ZNF473: variants seen among roughly 807,000 people sequenced by gnomAD.
ZNF473 encodes the protein zinc finger protein 473.
Under a neutral mutation model 11.1 loss-of-function variants are expected in ZNF473, and 4 were observed. The observed-to-expected ratio is 0.36, with a 90% CI of 0.18 to 0.82. The LOEUF is 0.82. ZNF473 is among the 40% of genes least tolerant of loss of function. The pLI is 0.49. For synonymous variants in ZNF473, 404 were observed against 390.4 expected (o/e 1.03, Z -0.41); for missense variants, 854 against 1,084.0 (o/e 0.79, Z 2.98).
At chr19:50,035,576 G>T (rs1400176232) in intron 2 of ZNF473, among the ~76,000 whole-genome samples, 5 of 151,912 alleles carry the variant, frequency 3.3e-5, no homozygotes, top group African/African-American at 1.2e-4. Flanking sequence ...GACAGGAACT[G>T]GCTGCCCCCT....
chr19:50,031,052 C>T lies in ZNF473; in HGVS notation c.-31C>T, dbSNP rs1264826668. On this transcript the variant is annotated 5_prime_UTR_variant, in exon 2 of 5. Coordinates refer to ENST00000270617, the MANE Select transcript of ZNF473 (RefSeq NM_015428.4). ...GAACACGGAGGGGAAGGAGGAGGAG[C>T]TTAAAAGAGGCTACTGAACCCCAGT... The T allele has an allele frequency of 1.3e-6, 2 of 1,562,664 alleles. No homozygotes were observed. The highest frequency in any genetic ancestry group is 8.7e-7 in the Non-Finnish European group (1 of 1,153,052).
intron 2 of ZNF473, among the ~76,000 whole-genome samples, chr19:50,034,665 T>C (rs2077335843): frequency 6.6e-6 from 1 of 152,214 alleles, no homozygotes; most frequent in African/African-American, 2.4e-5. Context: ...CTCTTAATCT[T>C]TGGGTTCCTC....
chr19:50,042,691 T>C (rs1978842294), intron 4 of ZNF473: 1 of 152,254 alleles, frequency 6.6e-6, no homozygotes, highest in Non-Finnish European at 1.5e-5. Context: ...AGTTACCACA[T>C]AAGCGTCTTT....
rs1033782789 is a variant in ZNF473, at chr19:50,044,819, C to T, written c.376C>T (p.Leu126=). The change falls in exon 5 of 5, where the codon CTA becomes TTA. Residue 126 remains leucine (L), a synonymous_variant. Transcript: ENST00000270617. ...CIEDTWLDSL[L]GDPESLLRSD... ...AGAGGACACCTGGTTAGATAGTTTG[C>T]TAGGCGATCCAGAAAGTCTTCTGAG... 1.2e-6 allele frequency: 2 copies of T among 1,614,098 alleles called. No homozygotes were observed. The highest frequency in any genetic ancestry group is 2.7e-5 in the African/African-American group (2 of 74,918).
intron 4 of ZNF473, among the ~76,000 whole-genome samples, chr19:50,044,445 G>GGTAATGGTAGA (rs1187950475): frequency 6.6e-6 from 1 of 152,178 alleles, no homozygotes; most frequent in Admixed American, 6.5e-5. Flanking sequence ...TAGGTGTGAA[G>GGTAATGGTAGA]GTAATGGTAG....
chr19:50,035,452 C>CGTGTGTGTTT (rs1691178475), intron 2 of ZNF473, among the ~76,000 whole-genome samples: 1 of 138,394 alleles, frequency 7.2e-6, no homozygotes, highest in East Asian at 2.2e-4. Flanking sequence ...TTCTTTCATA[C>CGTGTGTGTTT]GTGTGTGTGT....
intron 4 of ZNF473, among the ~76,000 whole-genome samples, chr19:50,044,087 G>A (rs549095757): frequency 1.3e-5 from 2 of 152,236 alleles, no homozygotes; most frequent in South Asian, 2.1e-4. Flanking sequence ...AAGCCCTTTA[G>A]GGCTAGTGTG....
Position 50,048,480 on chromosome 19 carries a change from T to C in ZNF473, c.*1421T>C, listed in dbSNP as rs1979267612. The C allele has an allele frequency of 6.6e-6, 1 of 152,270 alleles. No homozygotes were observed. The highest frequency in any genetic ancestry group is 2.4e-5 in the African/African-American group (1 of 41,468). 9.4% of individuals were successfully genotyped at this position (152,270 alleles called of 1,614,324 possible). On this transcript the variant is annotated 3_prime_UTR_variant, in exon 5 of 5. Transcript: ENST00000270617. ...AAACTTAGTTGAAACTGGGAACCTG[T>C]TGGCTAACCATTGGGGCCTTACACT... is the stretch of plus-strand genomic sequence containing the variant.
chr19:50,044,620 C>T, intron 4 of ZNF473, 50 bp from the exon 5 acceptor site: 1 of 1,471,060 alleles, frequency 6.8e-7, no homozygotes, highest in Non-Finnish European at 9.3e-7. Flanking sequence ...TTGCTCTTGT[C>T]TGTGTTCTCA....
chr19:50,044,104 TAGAG>T (rs1026416067), intron 4 of ZNF473, among the ~76,000 whole-genome samples: 21 of 150,844 alleles, frequency 1.4e-4, no homozygotes, highest in African/African-American at 4.6e-4. Context: ...TGTGGAAGAC[TAGAG>T]AGAGAGAGAG....
chr19:50,047,230 T>A lies in ZNF473; in HGVS notation c.*171T>A. ...TGAAAACACAAAAGTGGAGAAGCTG[T>A]ACAACGTCAGGATTCAGAGGTAGGC... On this transcript the variant is annotated 3_prime_UTR_variant, in exon 5 of 5. Transcript: ENST00000270617. The A allele has an allele frequency of 1.5e-6, 1 of 648,128 alleles. No individual in the cohort carries two copies. The highest frequency in any genetic ancestry group is 2.6e-6 in the Non-Finnish European group (1 of 387,584). 40.1% of individuals were successfully genotyped at this position (648,128 alleles called of 1,614,324 possible).
intron 1 of ZNF473, among the ~76,000 whole-genome samples, chr19:50,028,215 A>G (rs1014342711): frequency 3.3e-5 from 5 of 150,908 alleles, no homozygotes; most frequent in Non-Finnish European, 7.4e-5. Context: ...GGAGAATGGC[A>G]TGAGCCCGGG....
rs985048719 is a variant in ZNF473 at position 50,047,917 on chromosome 19, A to G, written c.*858A>G. 2 of 152,232 alleles carry G rather than the reference A, an allele frequency of 1.3e-5. No homozygotes were observed. Among genetic ancestry groups the G allele is most frequent in the African/African-American group, 4.8e-5 (2 of 41,462 alleles). 9.4% of individuals were successfully genotyped at this position (152,232 alleles called of 1,614,324 possible). A position where few individuals can be genotyped will look rare whatever the true frequency, so the allele number is the denominator to read the frequency against. On this transcript the variant is annotated 3_prime_UTR_variant, in exon 5 of 5. Transcript: ENST00000270617. ...CTGCATTGATCAGGGTGTTAACCGC[A>G]TATGAAACAACCCATATGGAAGACA...
chr19:50,044,643 A>G lies in ZNF473; in HGVS notation c.227-27A>G, dbSNP rs548981159. ...GTCTGTGTTCTCACCCTTAGTGAAC[A>G]GGAGACATTTGCACTTGCTCTTTCA... On this transcript the variant is annotated intron_variant, in intron 4 of 4. Coordinates refer to ENST00000270617, the MANE Select transcript of ZNF473 (RefSeq NM_015428.4). 2.1e-5 allele frequency: 32 copies of G among 1,558,476 alleles called. No homozygotes were observed. The South Asian group carries it at 2.7e-4, about 13-fold the overall frequency.
intron 3 of ZNF473, 83 bp from the exon 4 acceptor site, chr19:50,041,647 C>T (rs1978774938): frequency 8.1e-7 from 1 of 1,237,480 alleles, no homozygotes; most frequent in Admixed American, 2.3e-5. Context: ...ATAGAAAAGT[C>T]AGGAGAGCCA....
chr19:50,038,630 C>T (rs188786367), intron 2 of ZNF473, among the ~76,000 whole-genome samples: 216 of 152,162 alleles, frequency 1.4e-3, no homozygotes, highest in Admixed American at 9.2e-3. Flanking sequence ...GGGTATGGGC[C>T]CCCTGGATTC....
chr19:50,030,983 C>G lies in ZNF473; in HGVS notation c.-100C>G. On this transcript the variant is annotated 5_prime_UTR_variant, in exon 2 of 5. Transcript: ENST00000270617. ...GAGTCAGCCATGGGTGGAAGGGAGG[C>G]TTTCTCACAGCTCCCTTGTGCTTCC... The G allele has an allele frequency of 1.3e-6, 2 of 1,512,120 alleles. No homozygotes were observed. The highest frequency in any genetic ancestry group is 2.4e-5 in the South Asian group (2 of 83,216). The allele number at this position is 1,512,120 out of a possible 1,614,324, so 93.7% of individuals were successfully genotyped here. A position where few individuals can be genotyped will look rare whatever the true frequency, so the allele number is the denominator to read the frequency against.
Position 50,045,876 on chromosome 19 carries a change from A to G in ZNF473, c.1433A>G (p.Gln478Arg). 3 of 1,614,156 alleles carry G rather than the reference A, an allele frequency of 1.9e-6. No homozygotes were observed. Among genetic ancestry groups the G allele is most frequent in the Non-Finnish European group, 2.5e-6 (3 of 1,180,016 alleles). The change falls in exon 5 of 5, where the codon CAG becomes CGG. Residue 478 changes from glutamine (Q) to arginine (R), a missense_variant. Physicochemically the swap from Gln to Arg is conservative, Grantham distance 43 (BLOSUM62 1). Coordinates refer to ENST00000270617, the MANE Select transcript of ZNF473 (RefSeq NM_015428.4). ...FSRPSHLMRH[Q>R]AIHTAEKPYS... ...CGGCCCTCACATCTGATGCGACATC[A>G]GGCCATTCACACCGCAGAAAAGCCC...
At position 50,045,931 on chromosome 19, in the gene ZNF473, C is replaced by G; in HGVS notation, c.1488C>G (p.Phe496Leu). The G allele has an allele frequency of 1.9e-6, 3 of 1,614,190 alleles. No individual in the cohort carries two copies. Among genetic ancestry groups the G allele is most frequent in the Non-Finnish European group, 2.5e-6 (3 of 1,180,044 alleles). Reference sequence around the variant, plus strand: ...GCTGTGCTGAATGCAAGGAGACTTTCAGCGATAACAATCGCCTTGTGCAAC... The same window carrying G: ...GCTGTGCTGAATGCAAGGAGACTTTGAGCGATAACAATCGCCTTGTGCAAC... ...PYSCAECKET[F>L]SDNNRLVQHQ... is the part of the protein sequence containing the mutation. The change falls in exon 5 of 5, where the codon TTC (phenylalanine) becomes TTG (leucine). Residue 496 changes from phenylalanine to leucine, a missense_variant. Transcript: ENST00000270617.
Sources: gnomAD v4.1 joint callset for allele counts (sites outside exome capture counted in the v4.1 genomes callset) on GRCh38, gnomAD v4.1.1 for gene constraint, MANE v1.5 for transcripts, NCBI Gene and HGNC (gene_info 2026-07-23, HGNC 2026-07-21) for gene names.